Variants in ATP9A observed in about 807,000 individuals in gnomAD.
The protein encoded by ATP9A is probable phospholipid-transporting ATPase IIA.
Under a neutral mutation model 144.1 loss-of-function variants are expected in ATP9A, and 52 were observed. The ratio of observed to expected loss-of-function variants is 0.36; its 90% confidence interval spans 0.29 to 0.45. The LOEUF is 0.45. Among genes scored for constraint, ATP9A ranks in the 20% least tolerant of loss-of-function variants. ATP9A has a pLI of 1.00. For missense variants in ATP9A, 947 were observed against 1,392.7 expected (o/e 0.68, Z 5.09); for synonymous variants, 582 against 557.4 (o/e 1.04, Z -0.62).
intron 1 of ATP9A, among the ~76,000 whole-genome samples, chr20:51,767,237 G>A (rs2077908758): frequency 6.6e-6 from 1 of 151,958 alleles, no homozygotes; most frequent in Non-Finnish European, 1.5e-5. Context: ...GGAGCAGAGC[G>A]GCCGCAGGCC....
chr20:51,749,493 A>G (rs2077822664), intron 1 of ATP9A, among the ~76,000 whole-genome samples: 1 of 152,066 alleles, frequency 6.6e-6, no homozygotes, highest in South Asian at 2.1e-4. Flanking sequence ...CAAACTCCTG[A>G]CCCCAGGTGA....
At chr20:51,759,147 G>A (rs1309181020) in intron 1 of ATP9A, among the ~76,000 whole-genome samples, 1 of 152,224 alleles carries the variant, frequency 6.6e-6, no homozygotes, top group African/African-American at 2.4e-5. Context: ...CGCTGGCAGA[G>A]GACAGAGAGC....
At chr20:51,619,100 CA>C in intron 19 of ATP9A, 57 bp from the exon 20 acceptor site, 1 of 1,489,624 alleles carries the variant, frequency 6.7e-7, no homozygotes, top group South Asian at 1.2e-5. Flanking sequence ...GATAGAACAA[CA>C]AACAGTGGCT....
chr20:51,612,105 GTC>G (rs1382414176), intron 23 of ATP9A, among the ~76,000 whole-genome samples: 1 of 152,124 alleles, frequency 6.6e-6, no homozygotes, highest in Admixed American at 6.5e-5. Context: ...CCTTAAAAAC[GTC>G]TCTGTTTTTC....
intron 1 of ATP9A, among the ~76,000 whole-genome samples, chr20:51,766,564 G>A (rs6013276): frequency 0.4 from 60,694 of 151,934 alleles, 12,493 homozygotes; most frequent in Non-Finnish European, 0.43. Context: ...GAAGGAGGCC[G>A]GGCGCGGTGA....
At position 51,635,826 on chromosome 20, in the gene ATP9A, G is replaced by GGA. The variant is rs1193048703; in HGVS notation, c.1668+3516_1668+3517insTC. 1.5e-4 allele frequency among the ~76,000 whole-genome samples: 7 copies of GGA among 46,876 alleles called. 1 individual carries two copies. Among genetic ancestry groups the GGA allele is most frequent in the African/African-American group, 5.3e-4 (6 of 11,368 alleles). The allele number at this position is 46,876 out of a possible 152,430, so 30.8% of individuals were successfully genotyped here. A position where few individuals can be genotyped will look rare whatever the true frequency, so the allele number is the denominator to read the frequency against. On this transcript the variant is annotated intron_variant, in intron 15 of 27. Coordinates refer to ENST00000338821, the MANE Select transcript of ATP9A (RefSeq NM_006045.3). Reference sequence around the variant, plus strand: ...GGAGGAAGGAAGGAAGGAAGGAAGGGAGGGAGGGAGGGAGGGAAAAAGGAA... The same window carrying GGA: ...GGAGGAAGGAAGGAAGGAAGGAAGGGGAAGGGAGGGAGGGAGGGAAAAAGGAA...
At chr20:51,642,677 A>G (rs2143721) in intron 14 of ATP9A, among the ~76,000 whole-genome samples, 66,105 of 140,040 alleles carry the variant, frequency 0.47, 16,804 homozygotes, top group East Asian at 0.8. Flanking sequence ...AGTAAGCTGA[A>G]ACCATGCCAC....
chr20:51,683,089 C>G (rs13044663), intron 9 of ATP9A, among the ~76,000 whole-genome samples: 39,003 of 150,070 alleles, frequency 0.26, 5,584 homozygotes, highest in East Asian at 0.49. Context: ...AAAACTTTGT[C>G]TCAAAAAAAA....
At chr20:51,614,040 C>T (rs2077194174) in intron 22 of ATP9A, among the ~76,000 whole-genome samples, 1 of 152,216 alleles carries the variant, frequency 6.6e-6, no homozygotes. Flanking sequence ...CATTCCGAAT[C>T]ACATATAGTT....
intron 4 of ATP9A, among the ~76,000 whole-genome samples, chr20:51,705,083 C>T (rs1434900592): frequency 6.6e-6 from 1 of 152,146 alleles, no homozygotes; most frequent in Admixed American, 6.5e-5. Context: ...AGAGCTTATA[C>T]TTTGAAACAT....
At chr20:51,687,659 G>A (rs1330360814) in intron 9 of ATP9A, among the ~76,000 whole-genome samples, 1 of 152,054 alleles carries the variant, frequency 6.6e-6, no homozygotes, top group Non-Finnish European at 1.5e-5. Context: ...AGCTGTTTGG[G>A]AGGCTGAGGC....
At chr20:51,664,772 T>C (rs1163526870) in intron 13 of ATP9A, among the ~76,000 whole-genome samples, 1 of 151,858 alleles carries the variant, frequency 6.6e-6, no homozygotes, top group South Asian at 2.1e-4. Context: ...CAGGTTGGAG[T>C]GCAGTGACGC....
At chr20:51,627,194 G>A (rs1038270436) in intron 17 of ATP9A, among the ~76,000 whole-genome samples, 2 of 152,092 alleles carry the variant, frequency 1.3e-5, no homozygotes, top group Admixed American at 6.6e-5. Context: ...TATGAACAGG[G>A]TCAAGTTTAT....
chr20:51,625,076 C>A, intron 18 of ATP9A, 116 bp downstream of exon 18: 1 of 916,336 alleles, frequency 1.1e-6, no homozygotes, highest in East Asian at 2.7e-5. Flanking sequence ...GCAGATAAGG[C>A]ACTCCTGGTG....
Position 51,643,639 on chromosome 20 carries a change from C to A in ATP9A, c.1507-4135G>T, listed in dbSNP as rs145452234. ...CACCAAATCTGCCAGTATGCTGACACAGGACTTCCCAGCCTCCAGAACTAG... is the reference window on the plus strand; with the variant it reads ...CACCAAATCTGCCAGTATGCTGACAAAGGACTTCCCAGCCTCCAGAACTAG... On this transcript the variant is annotated intron_variant, in intron 14 of 27. Transcript: ENST00000338821. Among the ~76,000 whole-genome samples the A allele has an allele frequency of 2.8e-4, 42 of 152,286 alleles. No homozygotes were observed. In the East Asian group the frequency reaches 6.8e-3, roughly 24 times the overall value.
intron 14 of ATP9A, among the ~76,000 whole-genome samples, chr20:51,648,831 C>T (rs868340174): frequency 1.5e-4 from 23 of 151,884 alleles, no homozygotes; most frequent in South Asian, 1.2e-3. Context: ...GATCCTACCT[C>T]AAAAAAATAA....
At position 51,643,153 on chromosome 20, in the gene ATP9A, C is replaced by T. The variant is rs369470864; in HGVS notation, c.1507-3649G>A. On this transcript the variant is annotated intron_variant, in intron 14 of 27. Coordinates refer to ENST00000338821, the MANE Select transcript of ATP9A (RefSeq NM_006045.3). ...AAGAAATTATTTTTCAAGACTCTCC[C>T]TTATTTAAGTTCAAGTCATAATGAG... Among the ~76,000 whole-genome samples the T allele has an allele frequency of 1.1e-4, 17 of 152,302 alleles. 2 individuals carry two copies. The highest frequency in any genetic ancestry group is 3.9e-4 in the East Asian group (2 of 5,182).
intron 14 of ATP9A, among the ~76,000 whole-genome samples, chr20:51,646,347 C>T (rs1048302479): frequency 1.3e-5 from 2 of 152,124 alleles, no homozygotes; most frequent in Non-Finnish European, 1.5e-5. Context: ...CATCAGAGCA[C>T]GTATGATACG....
At chr20:51,725,700 AG>A (rs2077709312) in intron 3 of ATP9A, 118 bp downstream of exon 3, 1 of 707,550 alleles carries the variant, frequency 1.4e-6, no homozygotes, top group South Asian at 1.7e-5. Context: ...TATTGGCCTA[AG>A]GGCATCCTTT....
Sources: allele counts gnomAD v4.1 joint callset (sites outside exome capture counted in the v4.1 genomes callset), GRCh38; gene constraint gnomAD v4.1.1; transcripts MANE v1.5; gene names NCBI Gene and HGNC (gene_info 2026-07-23, HGNC 2026-07-21).